RNF4: variants seen among roughly 807,000 people sequenced by gnomAD.
The protein encoded by RNF4 is E3 ubiquitin-protein ligase RNF4.
A neutral mutation model predicts 24.3 loss-of-function variants in RNF4; 7 were observed. The ratio of observed to expected loss-of-function variants is 0.29; its 90% CI spans 0.16 to 0.54. The LOEUF is 0.54. Among genes scored for constraint, RNF4 ranks in the 20% least tolerant of loss-of-function variants. The pLI is 0.95. For synonymous variants in RNF4, 83 were observed against 84.3 expected, an observed-to-expected ratio of 0.98 and a Z score of 0.09; for missense variants, 209 against 248.5, an observed-to-expected ratio of 0.84 and a Z score of 1.07.
chr4:2,496,158 T>A (rs1007838062), intron 2 of RNF4, among the ~76,000 whole-genome samples: 1 of 152,196 alleles, frequency 6.6e-6, no homozygotes, highest in Admixed American at 6.5e-5. Flanking sequence ...TTCTTTGAGT[T>A]CTTTGTGGGG....
chr4:2,511,829 G>A, intron 4 of RNF4, 127 bp from the exon 5 acceptor site: 4 of 889,906 alleles, frequency 4.5e-6, no homozygotes, highest in Non-Finnish European at 7.2e-6. Flanking sequence ...GGAGGGTGGG[G>A]CCTCTGCTGC....
chr4:2,476,637 C>G (rs1004956637), intron 1 of RNF4, among the ~76,000 whole-genome samples: 1 of 151,742 alleles, frequency 6.6e-6, no homozygotes, highest in African/African-American at 2.4e-5. Flanking sequence ...GTGATCCACC[C>G]ACCTCGGCCT....
intron 4 of RNF4, among the ~76,000 whole-genome samples, chr4:2,504,711 C>T (rs954328230): frequency 3.5e-5 from 5 of 142,464 alleles, no homozygotes; most frequent in African/African-American, 8.0e-5. Context: ...CCACCATGCC[C>T]GGCTCATTTT....
chr4:2,503,607 G>T (rs537668826), intron 4 of RNF4, among the ~76,000 whole-genome samples: 1 of 152,316 alleles, frequency 6.6e-6, no homozygotes, highest in Admixed American at 6.5e-5. Context: ...ATAAGTCCAA[G>T]TGCCAGTTTA....
chr4:2,514,154 C>T lies in RNF4; in HGVS notation c.*335C>T. 1 of 281,826 alleles carries T rather than the reference C, an allele frequency of 3.5e-6. No individual in the cohort carries two copies. The highest frequency in any genetic ancestry group is 6.9e-6 in the Non-Finnish European group (1 of 145,774). The allele number at this position is 281,826 out of a possible 1,614,324, so 17.5% of individuals were successfully genotyped here. A position where few individuals can be genotyped will look rare whatever the true frequency, so the allele number is the denominator to read the frequency against. ...AATTTTCCCTGTTTGGAAAGTTTGC[C>T]CCAGCTTTCCCGGGCACACCACCTT... On this transcript the variant is annotated 3_prime_UTR_variant, in exon 8 of 8. Coordinates refer to ENST00000314289, the MANE Select transcript of RNF4 (RefSeq NM_002938.5).
intron 1 of RNF4, among the ~76,000 whole-genome samples, chr4:2,472,024 C>T (rs1281655148): frequency 6.6e-6 from 1 of 152,086 alleles, no homozygotes; most frequent in African/African-American, 2.4e-5. Context: ...ATGAAACAGC[C>T]TTATATGGAA....
chr4:2,481,861 C>G (rs756484183), intron 1 of RNF4, among the ~76,000 whole-genome samples: 1 of 152,206 alleles, frequency 6.6e-6, no homozygotes, highest in Non-Finnish European at 1.5e-5. Context: ...TCGTACACCA[C>G]TATGCCCGGC....
rs573924976 is a variant in RNF4, at chr4:2,493,433, A to C, written c.9+2931A>C. ...TCTTGGCTCCCTCAGTGGGGCCCAG[A>C]AACCACACAGGTAGCTGTGGGACAT... On this transcript the variant is annotated intron_variant, in intron 2 of 7. Transcript: ENST00000314289. Among the ~76,000 whole-genome samples, 7 of 152,190 alleles carry C rather than the reference A, an allele frequency of 4.6e-5. No homozygotes were observed. In the East Asian group the frequency reaches 1.4e-3, roughly 30 times the overall value.
chr4:2,490,174 A>C lies in RNF4; in HGVS notation c.-157-163A>C, dbSNP rs186505844. Reference sequence around the variant, plus strand: ...GGGATCAGGAAGTCCTACATGCGACAAGAATGCTTACTTCCTAAGATGAAT... The same window carrying C: ...GGGATCAGGAAGTCCTACATGCGACCAGAATGCTTACTTCCTAAGATGAAT... On this transcript the variant is annotated intron_variant, in intron 1 of 7. Transcript: ENST00000314289. Among the ~76,000 whole-genome samples, 7 of 152,314 alleles carry C rather than the reference A, an allele frequency of 4.6e-5. No homozygotes were observed. In the East Asian group the frequency reaches 1.2e-3, roughly 25 times the overall value.
At chr4:2,508,342 G>A (rs916854632) in intron 4 of RNF4, among the ~76,000 whole-genome samples, 1 of 152,202 alleles carries the variant, frequency 6.6e-6, no homozygotes, top group Non-Finnish European at 1.5e-5. Context: ...AGGCATTTAT[G>A]AAGCGCTGGT....
At position 2,510,324 on chromosome 4, in the gene RNF4, C is replaced by T. The variant is rs148496542; in HGVS notation, c.205-1632C>T. ...GGTCTCCAGGAATAACTCTTGACCT[C>T]GAAGCATTGACCCACCTAGGGAGCT... On this transcript the variant is annotated intron_variant, in intron 4 of 7. Transcript: ENST00000314289. Among the ~76,000 whole-genome samples the T allele has an allele frequency of 2.6e-3, 391 of 152,296 alleles. 1 individual carries two copies. The highest frequency in any genetic ancestry group is 9.1e-3 in the African/African-American group (378 of 41,570).
At chr4:2,494,973 G>T (rs1331668297) in intron 2 of RNF4, among the ~76,000 whole-genome samples, 1 of 152,218 alleles carries the variant, frequency 6.6e-6, no homozygotes, top group Non-Finnish European at 1.5e-5. Context: ...TTTCTAATTA[G>T]ATGGGGAGGA....
chr4:2,490,562 T>G, intron 2 of RNF4, 60 bp downstream of exon 2: 1 of 1,539,648 alleles, frequency 6.5e-7, no homozygotes, highest in African/African-American at 1.4e-5. Flanking sequence ...ACCTTATTCC[T>G]TGTAGCACAT....
chr4:2,483,375 G>A (rs1267694787), intron 1 of RNF4, among the ~76,000 whole-genome samples: 1 of 152,192 alleles, frequency 6.6e-6, no homozygotes, highest in Admixed American at 6.5e-5. Context: ...AGGCTGTAGG[G>A]CTTATTGGCC....
intron 3 of RNF4, among the ~76,000 whole-genome samples, chr4:2,497,548 T>G (rs940571557): frequency 7.2e-5 from 11 of 152,224 alleles, no homozygotes; most frequent in African/African-American, 2.7e-4. Flanking sequence ...TTCTGCCTGC[T>G]CAAGAAGTGG....
At chr4:2,494,118 G>A (rs769574641) in intron 2 of RNF4, among the ~76,000 whole-genome samples, 4 of 152,158 alleles carry the variant, frequency 2.6e-5, no homozygotes, top group Non-Finnish European at 5.9e-5. Context: ...AGTCCTAAGT[G>A]TTTGAAATGC....
Position 2,515,254 on chromosome 4 carries a change from C to T in RNF4, c.*1435C>T, listed in dbSNP as rs1736383628. 1 of 152,688 alleles carries T rather than the reference C, an allele frequency of 6.5e-6. No homozygotes were observed. Among genetic ancestry groups the T allele is most frequent in the Admixed American group, 6.5e-5 (1 of 15,286 alleles). 9.5% of individuals were successfully genotyped at this position (152,688 alleles called of 1,614,324 possible). A position where few individuals can be genotyped will look rare whatever the true frequency, so the allele number is the denominator to read the frequency against. ...CTTCTGAAGGAGCAGGGACTCAGCA[C>T]AGAATTCACTTTAGACGGGGCTGAA... On this transcript the variant is annotated 3_prime_UTR_variant, in exon 8 of 8. Coordinates refer to ENST00000314289, the MANE Select transcript of RNF4 (RefSeq NM_002938.5).
At chr4:2,483,394 C>G (rs1338861925) in intron 1 of RNF4, among the ~76,000 whole-genome samples, 1 of 152,204 alleles carries the variant, frequency 6.6e-6, no homozygotes, top group Admixed American at 6.5e-5. Flanking sequence ...CCAGCCACAT[C>G]ATTGCTGACC....
intron 4 of RNF4, among the ~76,000 whole-genome samples, chr4:2,507,977 CAGG>C (rs1736150751): frequency 6.6e-6 from 1 of 152,126 alleles, no homozygotes; most frequent in African/African-American, 2.4e-5. Flanking sequence ...GCCTCAGCCC[CAGG>C]AGTACTGGGA....
Sources: gnomAD v4.1 joint callset for allele counts (sites outside exome capture counted in the v4.1 genomes callset) on GRCh38, gnomAD v4.1.1 for gene constraint, MANE v1.5 for transcripts, NCBI Gene and HGNC (gene_info 2026-07-23, HGNC 2026-07-21) for gene names.